STAT4: variants seen among roughly 807,000 people sequenced by gnomAD.
STAT4 encodes signal transducer and activator of transcription 4.
Under a neutral mutation model 110.5 loss-of-function variants are expected in STAT4, and 42 were observed. The observed-to-expected ratio is 0.38, with a 90% confidence interval of 0.30 to 0.49. The LOEUF (loss-of-function observed/expected upper bound fraction) is 0.49, where lower values mean the gene tolerates loss of function less well. STAT4 is among the 20% of genes least tolerant of loss of function. STAT4 has a pLI of 0.95. For missense variants in STAT4, 632 were observed against 887.9 expected, an observed-to-expected ratio of 0.71 and a Z score of 3.66; for synonymous variants, 284 against 302.2, an observed-to-expected ratio of 0.94 and a Z score of 0.63.
Position 191,058,721 on chromosome 2 carries a change from T to C in STAT4, c.1083A>G (p.Ala361=), listed in dbSNP as rs1394640600. Reference sequence around the variant, plus strand: ...ATTAGAAAACTTACTTGTCAATTGATGCCTTAACCTTTACCTGATAGTTTA... The same window carrying C: ...ATTAGAAAACTTACTTGTCAATTGACGCCTTAACCTTTACCTGATAGTTTA... ...PELNYQVKVK[A]SIDKNVSTLS... The change falls in exon 11 of 24, where the codon GCA becomes GCG. Residue 361 remains alanine (A), a synonymous_variant. Transcript: ENST00000392320. The surrounding 1 kb of genome is among the most constrained non-coding windows in gnomAD (Gnocchi z 4.3). 1.9e-6 allele frequency: 3 copies of C among 1,586,726 alleles called. No individual in the cohort carries two copies. The highest frequency in any genetic ancestry group is 2.6e-6 in the Non-Finnish European group (3 of 1,165,934).
chr2:191,064,741 C>G, intron 8 of STAT4, 66 bp downstream of exon 8: 1 of 1,553,516 alleles, frequency 6.4e-7, no homozygotes, highest in Non-Finnish European at 8.7e-7. Context: ...CGTTCTCTGG[C>G]TGAGTGACAC....
rs1375965587 is a variant in STAT4 at position 191,030,457 on chromosome 2, T to G, written c.2220+515A>C. Among the ~76,000 whole-genome samples the G allele has an allele frequency of 6.6e-6, 1 of 152,234 alleles. No individual in the cohort carries two copies. On this transcript the variant is annotated intron_variant, in intron 23 of 23. Transcript: ENST00000392320. This position sits in a 1 kb window ranked among gnomAD's most constrained non-coding sequence, Gnocchi z 4.4. ...CAAAAAGGAGAGCATTATTATGCCA[T>G]TGACTGTTATTCATATATTATTGAT...
chr2:191,062,480 GA>G lies in STAT4; in HGVS notation c.941+281del, dbSNP rs1023988264. 2.6e-5 allele frequency among the ~76,000 whole-genome samples: 4 copies of G among 152,032 alleles called. No homozygotes were observed. Among genetic ancestry groups the G allele is most frequent in the African/African-American group, 9.7e-5 (4 of 41,392 alleles). ...CTTCATTTCATGGATATGCACATAA[GA>G]AAAAACCCTTGAAATTTTTTCTAAG... On this transcript the variant is annotated intron_variant, in intron 9 of 23. Transcript: ENST00000392320. The surrounding 1 kb of genome is among the most constrained non-coding windows in gnomAD (Gnocchi z 4.9).
intron 3 of STAT4, among the ~76,000 whole-genome samples, chr2:191,145,277 T>C (rs1323083693): frequency 6.6e-6 from 1 of 152,202 alleles, no homozygotes; most frequent in Non-Finnish European, 1.5e-5. Flanking sequence ...GAAATTGGAA[T>C]TTCATATAAT....
chr2:191,081,980 T>C (rs998237142), intron 3 of STAT4, among the ~76,000 whole-genome samples: 9 of 152,182 alleles, frequency 5.9e-5, no homozygotes, highest in African/African-American at 1.2e-4. Flanking sequence ...TTCTGATAAA[T>C]TGATGTTGTA....
At chr2:191,139,969 T>A (rs79179761) in intron 3 of STAT4, among the ~76,000 whole-genome samples, 265 of 152,244 alleles carry the variant, frequency 1.7e-3, no homozygotes, top group African/African-American at 6.1e-3. Flanking sequence ...AGCCAACTGA[T>A]CTTCGACAAA....
intron 3 of STAT4, among the ~76,000 whole-genome samples, chr2:191,136,005 GAA>G (rs745380203): frequency 1.1e-4 from 9 of 79,770 alleles, no homozygotes; most frequent in East Asian, 5.9e-4. Flanking sequence ...CAGCATCTCA[GAA>G]AAAAAAAAAA....
rs922169199 is a variant in STAT4 at position 191,116,944 on chromosome 2, C to T, written c.273+29669G>A. On this transcript the variant is annotated intron_variant, in intron 3 of 23. Coordinates refer to ENST00000392320, the MANE Select transcript of STAT4 (RefSeq NM_003151.4). The surrounding 1 kb of genome is among the most constrained non-coding windows in gnomAD (Gnocchi z 4.1). ...TCAAATATCCCTCCCGTTGGAGTGG[C>T]AAAGAATAATGAAATATACGTGAGA... Among the ~76,000 whole-genome samples the T allele has an allele frequency of 1.3e-5, 2 of 152,156 alleles. No homozygotes were observed. The highest frequency in any genetic ancestry group is 2.9e-5 in the Non-Finnish European group (2 of 68,020).
At chr2:191,034,026 A>T in intron 18 of STAT4, 21 bp from the exon 19 acceptor site, 5 of 1,458,432 alleles carry the variant, frequency 3.4e-6, no homozygotes, top group Non-Finnish European at 4.7e-6. Flanking sequence ...AGACAAGCAC[A>T]TTAAGACAAT....
At chr2:191,064,142 T>C (rs1696921959) in intron 8 of STAT4, among the ~76,000 whole-genome samples, 1 of 152,220 alleles carries the variant, frequency 6.6e-6, no homozygotes, top group African/African-American at 2.4e-5. Context: ...TTGTGATTTT[T>C]AAAAATTGAC....
chr2:191,141,448 ATC>A (rs1699323810), intron 3 of STAT4, among the ~76,000 whole-genome samples: 1 of 31,046 alleles, frequency 3.2e-5, no homozygotes, highest in Admixed American at 4.0e-4. Context: ...ACATATGTAT[ATC>A]ACATATATAC....
In STAT4 at chr2:191,058,617, A is replaced by C; in HGVS notation, c.1094+93T>G. 1 of 777,490 alleles carries C rather than the reference A, an allele frequency of 1.3e-6. No individual in the cohort carries two copies. Among genetic ancestry groups the C allele is most frequent in the Non-Finnish European group, 2.1e-6 (1 of 478,804 alleles). The allele number at this position is 777,490 out of a possible 1,614,324, so 48.2% of individuals were successfully genotyped here. A position where few individuals can be genotyped will look rare whatever the true frequency, so the allele number is the denominator to read the frequency against. On this transcript the variant is annotated intron_variant, in intron 11 of 23. Transcript: ENST00000392320. The surrounding 1 kb of genome is among the most constrained non-coding windows in gnomAD (Gnocchi z 4.3). Reference sequence around the variant, plus strand: ...TATATAATGTTAGATAAGTAAATTTAAAAGTTCAAAATTATTCTATAAAAT... The same window carrying C: ...TATATAATGTTAGATAAGTAAATTTCAAAGTTCAAAATTATTCTATAAAAT...
chr2:191,055,364 AATTTTTT>A (rs1408384760), intron 13 of STAT4, among the ~76,000 whole-genome samples: 2 of 63,072 alleles, frequency 3.2e-5, no homozygotes, highest in Non-Finnish European at 6.0e-5. Context: ...AAGCCTGGCT[AATTTTTT>A]TTTTTTTTTT....
At chr2:191,126,753 G>A (rs1029223911) in intron 3 of STAT4, among the ~76,000 whole-genome samples, 1 of 152,202 alleles carries the variant, frequency 6.6e-6, no homozygotes, top group Non-Finnish European at 1.5e-5. Flanking sequence ...AAGTACCCAG[G>A]ATGACATGGG....
rs546024783 is a variant in STAT4, at chr2:191,058,456, C to A, written c.1095-237G>T. Among the ~76,000 whole-genome samples, 17 of 152,174 alleles carry A rather than the reference C, an allele frequency of 1.1e-4. No homozygotes were observed. The highest frequency in any genetic ancestry group is 3.9e-4 in the African/African-American group (16 of 41,518). On this transcript the variant is annotated intron_variant, in intron 11 of 23. Transcript: ENST00000392320. This position sits in a 1 kb window ranked among gnomAD's most constrained non-coding sequence, Gnocchi z 4.3. ...GGGATTACAGGCATGAGCCGCCGCACCCGGTCTCTATGATACTTTAAAGGA... is the reference window on the plus strand; with the variant it reads ...GGGATTACAGGCATGAGCCGCCGCAACCGGTCTCTATGATACTTTAAAGGA...
chr2:191,124,671 C>G (rs193180406), intron 3 of STAT4, among the ~76,000 whole-genome samples: 4 of 152,200 alleles, frequency 2.6e-5, no homozygotes, highest in Non-Finnish European at 2.9e-5. Context: ...TGTCCCACCT[C>G]CCTCCCTAAA....
At chr2:191,122,713 G>C (rs1559076954) in intron 3 of STAT4, among the ~76,000 whole-genome samples, 3 of 152,102 alleles carry the variant, frequency 2.0e-5, no homozygotes, top group Non-Finnish European at 4.4e-5. Flanking sequence ...ACATTAAACA[G>C]CATGGATAAA....
rs185336380 is a variant in STAT4, at chr2:191,043,755, G to A, written c.1252-2607C>T. On this transcript the variant is annotated intron_variant, in intron 14 of 23. Transcript: ENST00000392320. The surrounding 1 kb of genome is among the most constrained non-coding windows in gnomAD (Gnocchi z 4.8). ...TTTATAGAGCAAAAAACTATACAGC[G>A]TTGGAATAAATGATCCACAGCAACA... Among the ~76,000 whole-genome samples, 14 of 152,242 alleles carry A rather than the reference G, an allele frequency of 9.2e-5. No individual in the cohort carries two copies. In the East Asian group the frequency reaches 1.9e-3, roughly 21 times the overall value.
intron 16 of STAT4, among the ~76,000 whole-genome samples, chr2:191,036,754 C>T (rs907566442): frequency 4.6e-5 from 7 of 152,330 alleles, no homozygotes; most frequent in Admixed American, 4.6e-4. Context: ...GTCCTATACT[C>T]CTCAGTTGAA....
Sources: allele counts gnomAD v4.1 joint callset (sites outside exome capture counted in the v4.1 genomes callset), GRCh38; gene constraint gnomAD v4.1.1; non-coding constraint Gnocchi (gnomAD v3.1); transcripts MANE v1.5; gene names NCBI Gene and HGNC (gene_info 2026-07-23, HGNC 2026-07-21).